HDAC9: variants seen among roughly 807,000 people sequenced by gnomAD.
HDAC9 encodes histone deacetylase 9.
HDAC9 carries 41 observed loss-of-function variants against 139.4 expected under a neutral mutation model. The ratio of observed to expected loss-of-function variants is 0.29; its 90% CI spans 0.23 to 0.38. The LOEUF (loss-of-function observed/expected upper bound fraction) is 0.38, where lower values mean the gene tolerates loss of function less well. Among genes scored for constraint, HDAC9 ranks in the 10% least tolerant of loss-of-function variants. The probability of loss-of-function intolerance (pLI) is 1.00; values close to 1 mark genes in which losing one functional copy is unlikely to be tolerated. For missense variants in HDAC9, 1,147 were observed against 1,297.0 expected, an observed-to-expected ratio of 0.88 and a Z score of 1.78; for synonymous variants, 517 against 476.2, an observed-to-expected ratio of 1.09 and a Z score of -1.12.
At chr7:18,925,079 C>A (rs1804097558) in intron 22 of HDAC9, among the ~76,000 whole-genome samples, 1 of 152,148 alleles carries the variant, frequency 6.6e-6, no homozygotes. Flanking sequence ...TCAGTTTTAA[C>A]TACTGTAAGT....
At chr7:18,643,167 T>A (rs1452769599) in intron 8 of HDAC9, among the ~76,000 whole-genome samples, 2 of 152,172 alleles carry the variant, frequency 1.3e-5, no homozygotes, top group Non-Finnish European at 2.9e-5. Flanking sequence ...TTATTATTTG[T>A]ATGAGTAAAA....
chr7:18,720,295 GT>G (rs1400849462), intron 12 of HDAC9, among the ~76,000 whole-genome samples: 1 of 151,732 alleles, frequency 6.6e-6, no homozygotes, highest in Non-Finnish European at 1.5e-5. Flanking sequence ...TTTTCTTAAA[GT>G]TTGCATTTTA....
At chr7:18,644,578 A>T in intron 8 of HDAC9, 93 bp from the exon 9 acceptor site, 1 of 972,024 alleles carries the variant, frequency 1.0e-6, no homozygotes, top group Non-Finnish European at 1.4e-6. Context: ...ATCTTTTCTT[A>T]ATTATGGTAA....
chr7:18,117,256 T>A (rs1784058657), intron 1 of HDAC9, among the ~76,000 whole-genome samples: 1 of 151,888 alleles, frequency 6.6e-6, no homozygotes, highest in South Asian at 2.1e-4. Context: ...GGTATCCTTA[T>A]AAAAAAGAAG....
intron 1 of HDAC9, among the ~76,000 whole-genome samples, chr7:18,465,811 T>G (rs547698182): frequency 2.6e-4 from 39 of 152,328 alleles, no homozygotes; most frequent in Non-Finnish European, 4.7e-4. Flanking sequence ...TTTGTAAATT[T>G]GTTAAAAATC....
chr7:18,408,129 G>T (rs535229981), intron 1 of HDAC9, among the ~76,000 whole-genome samples: 8 of 152,272 alleles, frequency 5.3e-5, no homozygotes, highest in African/African-American at 1.9e-4. Context: ...ATACTTATTA[G>T]TATGATGATT....
intron 1 of HDAC9, among the ~76,000 whole-genome samples, chr7:18,332,484 C>G (rs1422739481): frequency 6.6e-6 from 1 of 150,990 alleles, no homozygotes; most frequent in African/African-American, 2.4e-5. Flanking sequence ...CTTTTCTAAC[C>G]AAATAAATTA....
At position 18,999,982 on chromosome 7, in the gene HDAC9, T is replaced by A. The variant is rs28688791; in HGVS notation, c.*3920T>A. ...GGCATGTATCTTAACATTCTTTTCCTGCTTCAGGAATGAAATCACTTGTCC... is the reference window on the plus strand; with the variant it reads ...GGCATGTATCTTAACATTCTTTTCCAGCTTCAGGAATGAAATCACTTGTCC... On this transcript the variant is annotated 3_prime_UTR_variant, in exon 26 of 26. Coordinates refer to ENST00000686413, the MANE Select transcript of HDAC9 (RefSeq NM_178425.4). 1.3e-5 allele frequency: 2 copies of A among 151,982 alleles called. No individual in the cohort carries two copies. The highest frequency in any genetic ancestry group is 1.3e-4 in the Admixed American group (2 of 15,266). The allele number at this position is 151,982 out of a possible 1,614,324, so 9.4% of individuals were successfully genotyped here. A position where few individuals can be genotyped will look rare whatever the true frequency, so the allele number is the denominator to read the frequency against.
intron 15 of HDAC9, 55 bp from the exon 16 acceptor site, chr7:18,767,051 T>A (rs1157885183): frequency 2.3e-6 from 2 of 852,834 alleles, no homozygotes; most frequent in African/African-American, 1.8e-5. Flanking sequence ...GCCAACATTT[T>A]AAAAATTATA....
chr7:18,725,037 T>C (rs1322785599), intron 12 of HDAC9, among the ~76,000 whole-genome samples: 1 of 152,106 alleles, frequency 6.6e-6, no homozygotes, highest in Non-Finnish European at 1.5e-5. Context: ...TAGCCACACA[T>C]AGAGGGGTGA....
chr7:18,689,091 A>C (rs916071580), intron 12 of HDAC9, among the ~76,000 whole-genome samples: 10 of 151,960 alleles, frequency 6.6e-5, no homozygotes, highest in Non-Finnish European at 1.5e-5. Context: ...GTTTACAAAG[A>C]CTTACGTTGA....
intron 21 of HDAC9, among the ~76,000 whole-genome samples, chr7:18,866,802 T>A (rs985947891): frequency 2.0e-5 from 3 of 152,180 alleles, no homozygotes; most frequent in African/African-American, 7.2e-5. Context: ...GTGGGTAGCG[T>A]CTTATGCCGT....
chr7:18,528,061 C>CA (rs1807525630), intron 2 of HDAC9, among the ~76,000 whole-genome samples: 1 of 151,856 alleles, frequency 6.6e-6, no homozygotes, highest in Admixed American at 6.6e-5. Context: ...GAGGGCGAGG[C>CA]AGTAGGATCA....
chr7:18,665,011 C>G (rs936386885), intron 11 of HDAC9, among the ~76,000 whole-genome samples: 1 of 152,078 alleles, frequency 6.6e-6, no homozygotes, highest in Non-Finnish European at 1.5e-5. Flanking sequence ...TTAGTGTGTT[C>G]AGGGCCATTT....
At chr7:18,282,782 A>T (rs1797183429) in intron 2 of HDAC9, among the ~76,000 whole-genome samples, 1 of 152,044 alleles carries the variant, frequency 6.6e-6, no homozygotes, top group South Asian at 2.1e-4. Flanking sequence ...TCTTCACTCT[A>T]TACAGCCAGT....
At chr7:18,424,983 A>G (rs1789980818) in intron 1 of HDAC9, among the ~76,000 whole-genome samples, 1 of 152,216 alleles carries the variant, frequency 6.6e-6, no homozygotes. Flanking sequence ...ATTATTGTAT[A>G]TTCAAATTGC....
At chr7:18,647,429 A>C (rs1787781310) in intron 9 of HDAC9, among the ~76,000 whole-genome samples, 1 of 152,160 alleles carries the variant, frequency 6.6e-6, no homozygotes, top group South Asian at 2.1e-4. Context: ...AGAAATTTTC[A>C]CATGTACAAT....
intron 22 of HDAC9, among the ~76,000 whole-genome samples, chr7:18,913,026 C>A (rs769150782): frequency 2.0e-5 from 3 of 152,074 alleles, no homozygotes; most frequent in Non-Finnish European, 4.4e-5. Context: ...TTAGTTGTAG[C>A]ACATACAAAT....
intron 12 of HDAC9, among the ~76,000 whole-genome samples, chr7:18,702,391 C>T (rs1783564516): frequency 6.6e-6 from 1 of 152,164 alleles, no homozygotes; most frequent in Non-Finnish European, 1.5e-5. Flanking sequence ...TCCGCAGCAC[C>T]TCCAGAGAGT....
Sources: allele counts gnomAD v4.1 joint callset (sites outside exome capture counted in the v4.1 genomes callset), GRCh38; gene constraint gnomAD v4.1.1; transcripts MANE v1.5; gene names NCBI Gene and HGNC (gene_info 2026-07-23, HGNC 2026-07-21).